The following KIF3B variants were observed in gnomAD, a reference collection of about 807,000 sequenced individuals.
KIF3B encodes the protein kinesin-like protein KIF3B.
Under a neutral mutation model 74.3 loss-of-function variants are expected in KIF3B, and 38 were observed. The observed-to-expected ratio is 0.51, with a 90% CI of 0.39 to 0.67. KIF3B has a LOEUF of 0.67. Ranked by LOEUF, KIF3B falls within the 30% of genes least tolerant of loss-of-function variation. The pLI is 0.00. For missense variants in KIF3B, 649 were observed against 932.0 expected, an observed-to-expected ratio of 0.70 and a Z score of 3.95; for synonymous variants, 326 against 342.5, an observed-to-expected ratio of 0.95 and a Z score of 0.53.
chr20:32,330,494 G>A (rs139317433), intron 8 of KIF3B, among the ~76,000 whole-genome samples, 175 bp downstream of exon 8: 2 of 152,256 alleles, frequency 1.3e-5, no homozygotes, highest in African/African-American at 4.8e-5. Context: ...ACACTATGCT[G>A]GGTATACCGA....
At position 32,331,225 on chromosome 20, in the gene KIF3B, C is replaced by G. The variant is rs765663595; in HGVS notation, c.2150C>G (p.Pro717Arg). 2 of 1,612,714 alleles carry G rather than the reference C, an allele frequency of 1.2e-6. No homozygotes were observed. The highest frequency in any genetic ancestry group is 3.3e-5 in the Admixed American group (2 of 59,892). ...STANKKSKAR[P>R]KSGRKSGSSS... is the part of the protein sequence containing the mutation. ...AAACATGTGTTTGACTTTTGCAGGCCTAAAAGTGGAAGGAAGTCGGGATCC... is the reference window on the plus strand; with the variant it reads ...AAACATGTGTTTGACTTTTGCAGGCGTAAAAGTGGAAGGAAGTCGGGATCC... The change falls in exon 9 of 9, where the codon CCT (proline) becomes CGT (arginine). Residue 717 changes from proline (P) to arginine (R), a missense_variant and splice_region_variant. By Grantham distance (103) the Pro-to-Arg change is moderately radical. Around this residue, in one of 4 missense-constraint regions of KIF3B, gnomAD observed 186 missense variants for 198.5 expected, o/e 0.94. Transcript: ENST00000375712.
At chr20:32,296,806 C>T (rs2047719376) in intron 1 of KIF3B, among the ~76,000 whole-genome samples, 1 of 152,034 alleles carries the variant, frequency 6.6e-6, no homozygotes, top group Non-Finnish European at 1.5e-5. Flanking sequence ...TTCTGCAGGA[C>T]AGTGGTGTTA....
chr20:32,327,428 G>A (rs1029099125), intron 6 of KIF3B, 128 bp from the exon 7 acceptor site: 27 of 661,636 alleles, frequency 4.1e-5, no homozygotes, highest in Non-Finnish European at 6.4e-5. Context: ...GAAAACAGAA[G>A]CATTTCCCGT....
chr20:32,296,053 C>T (rs1266681923), intron 1 of KIF3B, among the ~76,000 whole-genome samples: 12 of 151,182 alleles, frequency 7.9e-5, no homozygotes, highest in African/African-American at 2.4e-4. Flanking sequence ...GTAGTAGAGA[C>T]GGGGTTTCAC....
In KIF3B at chr20:32,311,105, T is replaced by A; in HGVS notation, c.1328T>A (p.Leu443Gln). The change falls in exon 2 of 9, where the codon CTG becomes CAG. Residue 443 changes from leucine (L) to glutamine (Q), a missense_variant. Leu to Gln is a moderately radical substitution (Grantham distance 113, BLOSUM62 -2). Transcript: ENST00000375712. ...GTTGCAGAGGAGAAGATGAGGCTGCTGAAGGAGAAAGAGAAAAAGATGGAG... is the reference window on the plus strand; with the variant it reads ...GTTGCAGAGGAGAAGATGAGGCTGCAGAAGGAGAAAGAGAAAAAGATGGAG... Reference protein sequence around the residue: ...SLVAEEKMRLLKEKEKKMEDL... With the variant: ...SLVAEEKMRLQKEKEKKMEDL... 1 of 1,613,654 alleles carries A rather than the reference T, an allele frequency of 6.2e-7. No homozygotes were observed. The highest frequency in any genetic ancestry group is 1.1e-5 in the South Asian group (1 of 90,982).
At chr20:32,313,164 T>C (rs1220274952) in intron 2 of KIF3B, among the ~76,000 whole-genome samples, 1 of 152,178 alleles carries the variant, frequency 6.6e-6, no homozygotes, top group African/African-American at 2.4e-5. Flanking sequence ...TCCCATTGTT[T>C]TGAGCCTTCT....
rs1423769323 is a variant in KIF3B, at chr20:32,322,736, A to T, written c.1749-4035A>T. Among the ~76,000 whole-genome samples, 10 of 63,812 alleles carry T rather than the reference A, an allele frequency of 1.6e-4. 1 individual carries two copies. The highest frequency in any genetic ancestry group is 3.4e-4 in the African/African-American group (4 of 11,678). The allele number at this position is 63,812 out of a possible 152,430, so 41.9% of individuals were successfully genotyped here. On this transcript the variant is annotated intron_variant, in intron 5 of 8. Transcript: ENST00000375712. ...TATATATTTATATTTATTTATTTAT[A>T]TATATTTATTTATATATATATTTAT...
At chr20:32,316,422 A>C (rs964202496) in intron 3 of KIF3B, 103 bp downstream of exon 3, 1 of 1,565,820 alleles carries the variant, frequency 6.4e-7, no homozygotes, top group Non-Finnish European at 8.7e-7. Context: ...AATGAGAGCA[A>C]GGTGTGTCTG....
At position 32,331,380 on chromosome 20, in the gene KIF3B, A is replaced by G. The variant is rs1029116; in HGVS notation, c.*61A>G. ...TTGCCTTCTGAGAGAAGAGACTAGC[A>G]AAAAGCTGCAGAGAGGATTCGGCCC... On this transcript the variant is annotated 3_prime_UTR_variant, in exon 9 of 9. Coordinates refer to ENST00000375712, the MANE Select transcript of KIF3B (RefSeq NM_004798.4). The G allele has an allele frequency of 0.19, 259,723 of 1,354,046 alleles. 29,238 individuals are homozygous for G. Among genetic ancestry groups the G allele is most frequent in the African/African-American group, 0.48 (32,573 of 68,130 alleles). The allele number at this position is 1,354,046 out of a possible 1,614,324, so 83.9% of individuals were successfully genotyped here. A position where few individuals can be genotyped will look rare whatever the true frequency, so the allele number is the denominator to read the frequency against.
intron 2 of KIF3B, among the ~76,000 whole-genome samples, chr20:32,313,702 T>G (rs1371062353): frequency 1.5e-5 from 1 of 67,548 alleles, no homozygotes; most frequent in Non-Finnish European, 3.9e-5. Context: ...TGTGCCCATA[T>G]TTTGTTTTGT....
intron 8 of KIF3B, among the ~76,000 whole-genome samples, chr20:32,330,529 G>A (rs2047925288): frequency 6.6e-6 from 1 of 152,208 alleles, no homozygotes; most frequent in Admixed American, 6.5e-5. Context: ...AATGTCCCCA[G>A]TCCCTTACTA....
At chr20:32,285,090 AATG>A (rs1327174559) in intron 1 of KIF3B, among the ~76,000 whole-genome samples, 2 of 141,448 alleles carry the variant, frequency 1.4e-5, no homozygotes, top group African/African-American at 5.1e-5. Context: ...ACTAATTTTA[AATG>A]ATGACCAAAA....
intron 1 of KIF3B, among the ~76,000 whole-genome samples, chr20:32,307,059 G>A (rs79057544): frequency 5.3e-5 from 8 of 152,096 alleles, no homozygotes; most frequent in Middle Eastern, 3.4e-3. Context: ...TTTTTAAATA[G>A]AGTTTATTTT....
intron 2 of KIF3B, among the ~76,000 whole-genome samples, chr20:32,313,682 C>T (rs529297523): frequency 1.3e-5 from 2 of 150,994 alleles, no homozygotes; most frequent in East Asian, 2.0e-4. Context: ...GCACAGTAAG[C>T]GCGACTGGCT....
chr20:32,279,628 G>T (rs562491424), intron 1 of KIF3B, among the ~76,000 whole-genome samples: 5 of 152,168 alleles, frequency 3.3e-5, no homozygotes, highest in Admixed American at 3.3e-4. Flanking sequence ...ACCATGCCCG[G>T]CTAATTTTGT....
chr20:32,322,662 A>ATATATATTTATATATTTATATATATT (rs2047868016), intron 5 of KIF3B, among the ~76,000 whole-genome samples: 2 of 55,386 alleles, frequency 3.6e-5, no homozygotes, highest in Non-Finnish European at 5.4e-5. Flanking sequence ...TTATATATTT[A>ATATATATTTATATATTTATATATATT]TATATATATT....
intron 5 of KIF3B, among the ~76,000 whole-genome samples, chr20:32,322,672 T>A (rs866593673): frequency 5.2e-5 from 2 of 38,546 alleles, no homozygotes; most frequent in African/African-American, 2.6e-4. Context: ...ATATATATAT[T>A]TATATATTTA....
chr20:32,319,180 C>G (rs1033980567), intron 5 of KIF3B, among the ~76,000 whole-genome samples: 1 of 151,706 alleles, frequency 6.6e-6, no homozygotes, highest in African/African-American at 2.4e-5. Flanking sequence ...AGGCTGGTCT[C>G]AAACTCCTGG....
At chr20:32,317,033 C>T (rs1215360148) in intron 5 of KIF3B, among the ~76,000 whole-genome samples, 159 bp downstream of exon 5, 3 of 152,106 alleles carry the variant, frequency 2.0e-5, no homozygotes, top group South Asian at 2.1e-4. Context: ...GTCAGGAGTT[C>T]GAGACCAGCC....
Sources: allele counts gnomAD v4.1 joint callset (sites outside exome capture counted in the v4.1 genomes callset), GRCh38; gene constraint gnomAD v4.1.1; regional missense constraint gnomAD v4.1.1; transcripts MANE v1.5; gene names NCBI Gene and HGNC (gene_info 2026-07-23, HGNC 2026-07-21).